SYT9: variants seen among roughly 807,000 people sequenced by gnomAD.
The protein encoded by SYT9 is synaptotagmin 9.
SYT9 carries 22 observed loss-of-function variants against 48.4 expected under a neutral mutation model. The ratio of observed to expected loss-of-function variants is 0.45; its 90% CI spans 0.32 to 0.65. The LOEUF (loss-of-function observed/expected upper bound fraction) is 0.65. Ranked by LOEUF, SYT9 falls within the 30% of genes least tolerant of loss-of-function variation. The pLI, the probability that SYT9 is intolerant of heterozygous loss-of-function variation, is 0.03. For synonymous variants in SYT9, 265 were observed against 245.0 expected (o/e 1.08, Z -0.76); for missense variants, 577 against 622.0 (o/e 0.93, Z 0.77).
intron 1 of SYT9, among the ~76,000 whole-genome samples, chr11:7,294,087 T>G (rs1322235188): frequency 6.6e-5 from 10 of 152,210 alleles, no homozygotes; most frequent in Non-Finnish European, 1.2e-4. Context: ...TTCTGTGTCC[T>G]CATATGGTGG....
At chr11:7,258,535 A>G (rs778401350) in intron 1 of SYT9, among the ~76,000 whole-genome samples, 1 of 152,108 alleles carries the variant, frequency 6.6e-6, no homozygotes, top group Non-Finnish European at 1.5e-5. Context: ...AAAACTTTAA[A>G]TCAACATTGA....
chr11:7,338,061 G>T (rs1030950778), intron 3 of SYT9, among the ~76,000 whole-genome samples: 1 of 152,100 alleles, frequency 6.6e-6, no homozygotes, highest in South Asian at 2.1e-4. Context: ...CCTGTTAAGG[G>T]ATTCTGTTTC....
intron 3 of SYT9, among the ~76,000 whole-genome samples, chr11:7,388,136 T>G (rs976702175): frequency 1.3e-5 from 2 of 152,178 alleles, no homozygotes; most frequent in African/African-American, 4.8e-5. Context: ...CACCTGAAAT[T>G]TTCTTTATGG....
intron 3 of SYT9, among the ~76,000 whole-genome samples, chr11:7,346,845 G>T (rs911037804): frequency 6.6e-6 from 1 of 152,144 alleles, no homozygotes; most frequent in Non-Finnish European, 1.5e-5. Context: ...CACTGTTAAA[G>T]TTTGATATAT....
chr11:7,296,308 G>A (rs1848807111), intron 1 of SYT9, among the ~76,000 whole-genome samples: 2 of 152,188 alleles, frequency 1.3e-5, no homozygotes. Context: ...GTGCTATGGT[G>A]CCTGAAGTAT....
At chr11:7,360,690 G>A (rs535124688) in intron 3 of SYT9, among the ~76,000 whole-genome samples, 16 of 152,198 alleles carry the variant, frequency 1.1e-4, no homozygotes, top group African/African-American at 3.9e-4. Context: ...AAGGCAATTG[G>A]CCTATAATTT....
intron 3 of SYT9, among the ~76,000 whole-genome samples, chr11:7,320,526 A>T (rs1564861058): frequency 6.6e-6 from 1 of 152,180 alleles, no homozygotes; most frequent in Non-Finnish European, 1.5e-5. Flanking sequence ...CAACCTCTAG[A>T]ATGGTGTCTG....
intron 6 of SYT9, among the ~76,000 whole-genome samples, chr11:7,446,524 G>A (rs1847933063): frequency 6.6e-6 from 1 of 152,176 alleles, no homozygotes; most frequent in South Asian, 2.1e-4. Context: ...TCCAGAGCCA[G>A]TGACAACATG....
At chr11:7,424,586 G>A (rs1415687022) in intron 6 of SYT9, among the ~76,000 whole-genome samples, 2 of 152,132 alleles carry the variant, frequency 1.3e-5, no homozygotes, top group Non-Finnish European at 1.5e-5. Flanking sequence ...GTATGAATAA[G>A]TACTAATCTT....
intron 3 of SYT9, among the ~76,000 whole-genome samples, chr11:7,368,498 T>A (rs1850293187): frequency 6.6e-6 from 1 of 152,200 alleles, no homozygotes; most frequent in African/African-American, 2.4e-5. Context: ...GTATTTGTCC[T>A]AATGCTCTCC....
chr11:7,439,288 A>T (rs990238578), intron 6 of SYT9: 1 of 152,228 alleles, frequency 6.6e-6, no homozygotes, highest in African/African-American at 2.4e-5. Context: ...CTTGACCAAG[A>T]ATGTAAATTT....
At chr11:7,240,742 A>C (rs1847731953) in intron 1 of SYT9, among the ~76,000 whole-genome samples, 1 of 152,232 alleles carries the variant, frequency 6.6e-6, no homozygotes, top group African/African-American at 2.4e-5. Context: ...TAATCAATGG[A>C]GGTTAAAGTT....
At chr11:7,457,754 G>C (rs552670731) in intron 6 of SYT9, 31 of 152,266 alleles carry the variant, frequency 2.0e-4, no homozygotes, top group African/African-American at 7.0e-4. Context: ...AGTGTCATGA[G>C]GGCTCAAACA....
chr11:7,339,120 G>C (rs917699939), intron 3 of SYT9, among the ~76,000 whole-genome samples: 1 of 151,566 alleles, frequency 6.6e-6, no homozygotes, highest in Non-Finnish European at 1.5e-5. Flanking sequence ...TTTTTTGTTT[G>C]TTTGATCTTT....
At chr11:7,381,148 C>G (rs539335553) in intron 3 of SYT9, among the ~76,000 whole-genome samples, 171 of 152,126 alleles carry the variant, frequency 1.1e-3, no homozygotes, top group African/African-American at 3.8e-3. Context: ...TAAATCTATC[C>G]AGATCATCCA....
At chr11:7,355,940 T>A (rs1473396551) in intron 3 of SYT9, among the ~76,000 whole-genome samples, 1 of 152,238 alleles carries the variant, frequency 6.6e-6, no homozygotes, top group Non-Finnish European at 1.5e-5. Flanking sequence ...ACAGTGAGCC[T>A]GGCCCAGGGC....
intron 2 of SYT9, among the ~76,000 whole-genome samples, chr11:7,310,882 C>T (rs1849120839): frequency 1.3e-5 from 2 of 152,200 alleles, no homozygotes; most frequent in Non-Finnish European, 1.5e-5. Context: ...TGGCAATCCA[C>T]TTTGGTTAGG....
At chr11:7,428,935 G>A (rs1847515774) in intron 6 of SYT9, among the ~76,000 whole-genome samples, 1 of 152,192 alleles carries the variant, frequency 6.6e-6, no homozygotes, top group African/African-American at 2.4e-5. Flanking sequence ...GAAGTCCCAT[G>A]AGTGAATACT....
intron 3 of SYT9, among the ~76,000 whole-genome samples, chr11:7,399,902 A>C (rs1564890201): frequency 6.6e-6 from 1 of 152,232 alleles, no homozygotes; most frequent in Non-Finnish European, 1.5e-5. Flanking sequence ...TTGATTTCAC[A>C]AACATTTTAT....
Sources: allele counts gnomAD v4.1 joint callset (sites outside exome capture counted in the v4.1 genomes callset), GRCh38; gene constraint gnomAD v4.1.1; transcripts MANE v1.5; gene names NCBI Gene and HGNC (gene_info 2026-07-23, HGNC 2026-07-21).